MECOM: variants seen among roughly 807,000 people sequenced by gnomAD.
MECOM encodes the protein histone-lysine N-methyltransferase MECOM.
A neutral mutation model predicts 116.3 loss-of-function variants in MECOM; 13 were observed. That is an observed-to-expected ratio of 0.11 (90% CI 0.07 to 0.18). MECOM has a LOEUF of 0.18. Ranked by LOEUF, MECOM falls within the 10% of genes least tolerant of loss-of-function variation. MECOM has a pLI of 1.00. For synonymous variants in MECOM, 528 were observed against 535.2 expected, an observed-to-expected ratio of 0.99 and a Z score of 0.19; for missense variants, 1,299 against 1,509.0, an observed-to-expected ratio of 0.86 and a Z score of 2.31.
At chr3:169,631,333 T>C (rs933888320) in intron 1 of MECOM, among the ~76,000 whole-genome samples, 14 of 152,238 alleles carry the variant, frequency 9.2e-5, no homozygotes, top group African/African-American at 3.1e-4. Context: ...CAGTATCTTT[T>C]GCTATAATAG....
chr3:169,418,185 A>C (rs1226327282), intron 1 of MECOM, among the ~76,000 whole-genome samples: 1 of 151,948 alleles, frequency 6.6e-6, no homozygotes, highest in East Asian at 1.9e-4. Context: ...TACACCCTCT[A>C]AAGACTAAAC....
At chr3:169,289,756 G>A (rs575141903) in intron 2 of MECOM, among the ~76,000 whole-genome samples, 1 of 152,300 alleles carries the variant, frequency 6.6e-6, no homozygotes, top group South Asian at 2.1e-4. Context: ...GGAGGAATTA[G>A]AAAATAGAAG....
intron 2 of MECOM, among the ~76,000 whole-genome samples, chr3:169,177,298 G>A (rs913825544): frequency 1.3e-5 from 2 of 152,132 alleles, no homozygotes; most frequent in African/African-American, 4.8e-5. Context: ...AAAAAGAAAT[G>A]AGATCATGTC....
At chr3:169,477,148 TACAC>T (rs1187178988) in intron 1 of MECOM, 132 of 42,456 alleles carry the variant, frequency 3.1e-3, no homozygotes, top group African/African-American at 0.012. Context: ...TATATATATA[TACAC>T]ACACACACAA....
At chr3:169,450,862 G>A (rs184714045) in intron 1 of MECOM, among the ~76,000 whole-genome samples, 2 of 152,238 alleles carry the variant, frequency 1.3e-5, no homozygotes, top group African/African-American at 4.8e-5. Context: ...AAGAAGAAAA[G>A]GATCTTTCAC....
intron 2 of MECOM, among the ~76,000 whole-genome samples, chr3:169,282,938 C>T (rs1323022525): frequency 6.6e-6 from 1 of 151,766 alleles, no homozygotes; most frequent in East Asian, 1.9e-4. Context: ...TGGCCACCCA[C>T]TTGAGAGATC....
chr3:169,433,907 T>A (rs1742193576), intron 1 of MECOM, among the ~76,000 whole-genome samples: 1 of 152,016 alleles, frequency 6.6e-6, no homozygotes, highest in South Asian at 2.1e-4. Flanking sequence ...TAGAGAAAAA[T>A]CCTACTTCCA....
chr3:169,573,454 T>G (rs1005422326), intron 1 of MECOM, among the ~76,000 whole-genome samples: 2 of 152,174 alleles, frequency 1.3e-5, no homozygotes, highest in Non-Finnish European at 2.9e-5. Flanking sequence ...ATGTGAGGAA[T>G]AGATGCAGGT....
rs556317940 is a variant in MECOM, at chr3:169,472,918, T to A, written c.38-91394A>T. On this transcript the variant is annotated intron_variant, in intron 1 of 16. Transcript: ENST00000651503. Reference sequence around the variant, plus strand: ...ACAAATATGTCACATGTTCTAAAAATCAATCAAAATATTTACTAGGCCCCT... The same window carrying A: ...ACAAATATGTCACATGTTCTAAAAAACAATCAAAATATTTACTAGGCCCCT... The A allele has an allele frequency of 7.8e-5, 75 of 956,540 alleles. No individual in the cohort carries two copies. In the Middle Eastern group the frequency reaches 1.6e-3, roughly 21 times the overall value. The allele number at this position is 956,540 out of a possible 1,614,324, so 59.3% of individuals were successfully genotyped here.
intron 11 of MECOM, among the ~76,000 whole-genome samples, chr3:169,101,185 T>C (rs16853152): frequency 0.042 from 6,340 of 152,298 alleles, 420 homozygotes; most frequent in African/African-American, 0.13. Flanking sequence ...TGTTCACTTA[T>C]AAGCAAGCAA....
intron 1 of MECOM, among the ~76,000 whole-genome samples, chr3:169,426,138 C>G (rs1740640755): frequency 6.6e-6 from 1 of 151,866 alleles, no homozygotes; most frequent in South Asian, 2.1e-4. Context: ...ATCCCCCCAA[C>G]AGTTCTCCCT....
chr3:169,090,474 C>T (rs2148852809), intron 14 of MECOM, among the ~76,000 whole-genome samples: 1 of 151,932 alleles, frequency 6.6e-6, no homozygotes, highest in Non-Finnish European at 1.5e-5. Flanking sequence ...CTGGCAGAAC[C>T]CGAAAAACAA....
chr3:169,279,849 G>A (rs1465793714), intron 2 of MECOM, among the ~76,000 whole-genome samples: 1 of 152,038 alleles, frequency 6.6e-6, no homozygotes, highest in Non-Finnish European at 1.5e-5. Flanking sequence ...TGCCCCCTTT[G>A]GCTATTGTCG....
chr3:169,416,592 G>T (rs1018092991), intron 1 of MECOM, among the ~76,000 whole-genome samples: 1 of 150,810 alleles, frequency 6.6e-6, no homozygotes, highest in South Asian at 2.1e-4. Flanking sequence ...TCCAGGAGCT[G>T]TTTTTTTTTA....
chr3:169,251,229 A>G (rs1756209488), intron 2 of MECOM, among the ~76,000 whole-genome samples: 1 of 152,234 alleles, frequency 6.6e-6, no homozygotes, highest in African/African-American at 2.4e-5. Context: ...AAGCAAATGT[A>G]TCATTCCTTT....
intron 1 of MECOM, among the ~76,000 whole-genome samples, chr3:169,508,217 A>G (rs1359590560): frequency 6.6e-6 from 1 of 152,094 alleles, no homozygotes; most frequent in Non-Finnish European, 1.5e-5. Context: ...AACCTGGAGA[A>G]GAAAATCCCA....
chr3:169,114,926 T>G (rs1397594133), intron 8 of MECOM, among the ~76,000 whole-genome samples: 1 of 152,174 alleles, frequency 6.6e-6, no homozygotes, highest in Non-Finnish European at 1.5e-5. Flanking sequence ...AGAAACAATA[T>G]GACCAGCCCT....
chr3:169,419,737 C>T (rs188199407), intron 1 of MECOM, among the ~76,000 whole-genome samples: 1 of 152,246 alleles, frequency 6.6e-6, no homozygotes, highest in East Asian at 1.9e-4. Context: ...GCAATGGCAA[C>T]AAAAGCCAAA....
intron 1 of MECOM, among the ~76,000 whole-genome samples, chr3:169,474,088 C>T (rs1051371950): frequency 2.0e-5 from 3 of 152,166 alleles, no homozygotes; most frequent in African/African-American, 4.8e-5. Flanking sequence ...TCAGTCACCA[C>T]GTGCCACCTC....
Sources: allele counts gnomAD v4.1 joint callset (sites outside exome capture counted in the v4.1 genomes callset), GRCh38; gene constraint gnomAD v4.1.1; transcripts MANE v1.5; gene names NCBI Gene and HGNC (gene_info 2026-07-23, HGNC 2026-07-21).